The following XIRP1 variants were observed in gnomAD, a reference collection of about 807,000 sequenced individuals.
XIRP1 encodes xin actin binding repeat containing 1, also known as xin actin-binding repeat-containing protein 1.
For missense variants in XIRP1, 2,378 were observed against 2,345.4 expected, an observed-to-expected ratio of 1.01 and a Z score of -0.29; for synonymous variants, 984 against 947.0, an observed-to-expected ratio of 1.04 and a Z score of -0.72.
Position 39,183,609 on chromosome 3 carries a change from G to A in XIRP1, c.*305C>T. On this transcript the variant is annotated 3_prime_UTR_variant, in exon 2 of 2. Transcript: ENST00000340369. ...GCAAATTCACACATGTCGATGCGTG[G>A]GCCAGGCCTGTGTGAAAAACATGTG... The A allele has an allele frequency of 2.6e-6, 1 of 379,886 alleles. No individual in the cohort carries two copies. The allele number at this position is 379,886 out of a possible 1,614,324, so 23.5% of individuals were successfully genotyped here. A position where few individuals can be genotyped will look rare whatever the true frequency, so the allele number is the denominator to read the frequency against.
chr3:39,185,286 A>G lies in XIRP1; in HGVS notation c.4160T>C (p.Leu1387Pro). Residue 1387 changes from leucine to proline, a missense_variant, in exon 2 of 2, where the codon CTG becomes CCG. Coordinates refer to ENST00000340369, the MANE Select transcript of XIRP1 (RefSeq NM_194293.4). ...GCTATGTCCACTGGGACATCTGGCC[A>G]GAGGTATGTGGCCCTGGTCTACAGT... is the stretch of plus-strand genomic sequence containing the variant. ...PTTVDQGHIP[L>P]ARCPSGHSQP... The G allele has an allele frequency of 3.1e-6, 5 of 1,614,186 alleles. No homozygotes were observed. The highest frequency in any genetic ancestry group is 3.4e-6 in the Non-Finnish European group (4 of 1,180,028).
In XIRP1 at chr3:39,184,867, C is replaced by T. The variant is rs2039934324; in HGVS notation, c.4579G>A (p.Gly1527Arg). The T allele has an allele frequency of 6.2e-7, 1 of 1,606,950 alleles. No individual in the cohort carries two copies. The highest frequency in any genetic ancestry group is 1.3e-5 in the African/African-American group (1 of 74,792). The change falls in exon 2 of 2, where the codon GGG becomes AGG. Residue 1527 changes from glycine to arginine, a missense_variant. By Grantham distance (125) the Gly-to-Arg change is moderately radical. Transcript: ENST00000340369. ...TCCGTGCTGACCCGTGTCAGCTCCC[C>T]AAAGGCCTGCTCCACTGAGGCCTCG... ...KPEASVEQAFGELTRVSTEVA... is the reference protein window; with the variant it reads ...KPEASVEQAFRELTRVSTEVA...
Position 39,183,779 on chromosome 3 carries a change from T to G in XIRP1, c.*135A>C, listed in dbSNP as rs947594415. ...TATTGAAAGAACTGCGAAAGGGAAA[T>G]GGCCCACAGTAATCCTCTGAAGATG... is the stretch of plus-strand genomic sequence containing the variant. On this transcript the variant is annotated 3_prime_UTR_variant, in exon 2 of 2. Transcript: ENST00000340369. The G allele has an allele frequency of 2.2e-6, 3 of 1,342,366 alleles. No homozygotes were observed. Among genetic ancestry groups the G allele is most frequent in the Non-Finnish European group, 3.0e-6 (3 of 1,016,300 alleles). 83.2% of individuals were successfully genotyped at this position (1,342,366 alleles called of 1,614,324 possible).
rs1173814742 is a variant in XIRP1 at position 39,188,457 on chromosome 3, T to C, written c.989A>G (p.Gln330Arg). Residue 330 changes from glutamine to arginine, a missense_variant, in exon 2 of 2, where the codon CAG (glutamine) becomes CGG (arginine). Coordinates refer to ENST00000340369, the MANE Select transcript of XIRP1 (RefSeq NM_194293.4). ...REILVDEKDF[Q>R]PSPDLIPPGP... The stretch of plus-strand genomic sequence containing the variant: ...AGGTGGGATAAGGTCTGGGGATGGC[T>C]GGAAGTCCTTCTCATCTACCAAGAT... 4.4e-6 allele frequency: 7 copies of C among 1,602,170 alleles called. No individual in the cohort carries two copies. The highest frequency in any genetic ancestry group is 1.7e-5 in the Admixed American group (1 of 59,452).
Position 39,186,183 on chromosome 3 carries a change from G to A in XIRP1, c.3263C>T (p.Pro1088Leu), listed in dbSNP as rs768125085. ...AGCTTTCCGAAGACCGTCCTGGATG[G>A]GGTTGGAAGTGGCTGTTGGGGTGGG... ...QGPTPTATSNPIQDGLRKAGA... is the reference protein window; with the variant it reads ...QGPTPTATSNLIQDGLRKAGA... Residue 1088 changes from proline to leucine, a missense_variant, in exon 2 of 2, where the codon CCC becomes CTC. Transcript: ENST00000340369. The A allele has an allele frequency of 2.5e-6, 4 of 1,613,940 alleles. No homozygotes were observed. The highest frequency in any genetic ancestry group is 3.4e-6 in the Non-Finnish European group (4 of 1,179,918).
At chr3:39,189,979 C>T (rs1016973135) in intron 1 of XIRP1, among the ~76,000 whole-genome samples, 1 of 152,178 alleles carries the variant, frequency 6.6e-6, no homozygotes, top group Non-Finnish European at 1.5e-5. Flanking sequence ...TGCAGAACAC[C>T]AGAGGGCAGA....
intron 1 of XIRP1, among the ~76,000 whole-genome samples, chr3:39,189,763 C>T (rs575536753): frequency 1.3e-4 from 20 of 152,324 alleles, no homozygotes; most frequent in Non-Finnish European, 2.8e-4. Context: ...ACATGAGACA[C>T]TTTCCTTTAG....
In XIRP1 at chr3:39,188,523, C is replaced by G. The variant is rs751411277; in HGVS notation, c.923G>C (p.Arg308Pro). ...CAGGGGCTGTGTCTCAAAGATCCAG[C>G]GAGTTGCACTGACGTCGGGCCGGGC... is the stretch of plus-strand genomic sequence containing the variant. Reference protein sequence around the residue: ...EGARPDVSATRWIFETQPLDA... With the variant: ...EGARPDVSATPWIFETQPLDA... Residue 308 changes from arginine (R) to proline (P), a missense_variant, in exon 2 of 2, where the codon CGC becomes CCC. Arg to Pro is a moderately radical substitution (Grantham distance 103, BLOSUM62 -2). Coordinates refer to ENST00000340369, the MANE Select transcript of XIRP1 (RefSeq NM_194293.4). 1 of 1,608,292 alleles carries G rather than the reference C, an allele frequency of 6.2e-7. No individual in the cohort carries two copies.
Position 39,186,764 on chromosome 3 carries a change from C to A in XIRP1, c.2682G>T (p.Gly894=), listed in dbSNP as rs752917028. The A allele has an allele frequency of 3.1e-6, 5 of 1,614,040 alleles. No homozygotes were observed. In the South Asian group the frequency reaches 4.4e-5, roughly 14 times the overall value. ...CGLGTSVART[G]LVMQETEQGL... is the part of the protein sequence containing the mutation. ...CCTGCTCTGTCTCCTGCATCACCAG[C>A]CCAGTCCTTGCCACGGAGGTCCCAA... Residue 894 remains glycine (G), a synonymous_variant, in exon 2 of 2, where the codon GGG becomes GGT. Coordinates refer to ENST00000340369, the MANE Select transcript of XIRP1 (RefSeq NM_194293.4).
At position 39,184,359 on chromosome 3, in the gene XIRP1, A is replaced by C; in HGVS notation, c.5087T>G (p.Val1696Gly). Reference sequence around the variant, plus strand: ...GTCCTGAGCCAGTTGTGTGCTTTTCACTGAGACATCAGGGTTGCCCTTAAA... The same window carrying C: ...GTCCTGAGCCAGTTGTGTGCTTTTCCCTGAGACATCAGGGTTGCCCTTAAA... The part of the protein sequence containing the change: ...PSFKGNPDVS[V>G]KSTQLAQDIG... The change falls in exon 2 of 2, where the codon GTG becomes GGG. Residue 1696 changes from valine (V) to glycine (G), a missense_variant. Coordinates refer to ENST00000340369, the MANE Select transcript of XIRP1 (RefSeq NM_194293.4). 1.2e-6 allele frequency: 2 copies of C among 1,614,102 alleles called. No individual in the cohort carries two copies. The highest frequency in any genetic ancestry group is 8.5e-7 in the Non-Finnish European group (1 of 1,180,030).
chr3:39,187,162 T>C lies in XIRP1; in HGVS notation c.2284A>G (p.Arg762Gly). 6.2e-7 allele frequency: 1 copy of C among 1,607,848 alleles called. No homozygotes were observed. Among genetic ancestry groups the C allele is most frequent in the African/African-American group, 1.3e-5 (1 of 74,920 alleles). The change falls in exon 2 of 2, where the codon AGG (arginine) becomes GGG (glycine). Residue 762 changes from arginine (R) to glycine (G), a missense_variant. Arg to Gly is a moderately radical substitution (Grantham distance 125, BLOSUM62 -2). Coordinates refer to ENST00000340369, the MANE Select transcript of XIRP1 (RefSeq NM_194293.4). ...EEQPMSPSGN[R>G]MQESQETAAE... Reference sequence around the variant, plus strand: ...GCAGTCTCCTGGCTCTCTTGCATCCTGTTGCCTGAGGGGCTCATGGGCTGC... The same window carrying C: ...GCAGTCTCCTGGCTCTCTTGCATCCCGTTGCCTGAGGGGCTCATGGGCTGC...
At chr3:39,191,377 A>G (rs2040087117) in intron 1 of XIRP1, among the ~76,000 whole-genome samples, 1 of 119,460 alleles carries the variant, frequency 8.4e-6, no homozygotes, top group Non-Finnish European at 1.7e-5. Flanking sequence ...GCCCCCAGGA[A>G]TTTCCAGAAT....
chr3:39,184,970 C>T lies in XIRP1; in HGVS notation c.4476G>A (p.Gln1492=). The change falls in exon 2 of 2, where the codon CAG becomes CAA. Residue 1492 remains glutamine, a synonymous_variant. Coordinates refer to ENST00000340369, the MANE Select transcript of XIRP1 (RefSeq NM_194293.4). ...EKEAASSVDV[Q]ALRRLFEAVP... is the part of the protein sequence containing the mutation. Reference sequence around the variant, plus strand: ...CGGCCTCAAAGAGCCTCCGCAGGGCCTGCACGTCCACACTGCTTGCGGCCT... The same window carrying T: ...CGGCCTCAAAGAGCCTCCGCAGGGCTTGCACGTCCACACTGCTTGCGGCCT... 2 of 1,536,746 alleles carry T rather than the reference C, an allele frequency of 1.3e-6. No homozygotes were observed. Among genetic ancestry groups the T allele is most frequent in the Non-Finnish European group, 1.7e-6 (2 of 1,144,620 alleles).
Position 39,188,961 on chromosome 3 carries a change from G to T in XIRP1, c.485C>A (p.Thr162Lys). The change falls in exon 2 of 2, where the codon ACA becomes AAA. Residue 162 changes from threonine to lysine, a missense_variant. By Grantham distance (78) the Thr-to-Lys change is moderately conservative. Coordinates refer to ENST00000340369, the MANE Select transcript of XIRP1 (RefSeq NM_194293.4). ...CCCTGTCAGCTCGTCCAGTGGCTTT[G>T]TCTCAAATAGCCAGCGGGCTGCACG... is the stretch of plus-strand genomic sequence containing the variant. ...DVRAARWLFE[T>K]KPLDELTGQA... is the part of the protein sequence containing the mutation. 6.2e-7 allele frequency: 1 copy of T among 1,613,810 alleles called. No individual in the cohort carries two copies. The highest frequency in any genetic ancestry group is 8.5e-7 in the Non-Finnish European group (1 of 1,180,028).
chr3:39,185,284 C>T lies in XIRP1; in HGVS notation c.4162G>A (p.Ala1388Thr). Reference sequence around the variant, plus strand: ...TGGCTATGTCCACTGGGACATCTGGCCAGAGGTATGTGGCCCTGGTCTACA... The same window carrying T: ...TGGCTATGTCCACTGGGACATCTGGTCAGAGGTATGTGGCCCTGGTCTACA... ...TTVDQGHIPLARCPSGHSQPS... is the reference protein window; with the variant it reads ...TTVDQGHIPLTRCPSGHSQPS... The change falls in exon 2 of 2, where the codon GCC (alanine) becomes ACC (threonine). Residue 1388 changes from alanine (A) to threonine (T), a missense_variant. Transcript: ENST00000340369. 1.2e-6 allele frequency: 2 copies of T among 1,614,084 alleles called. No individual in the cohort carries two copies. The highest frequency in any genetic ancestry group is 8.5e-7 in the Non-Finnish European group (1 of 1,180,020).
Position 39,185,470 on chromosome 3 carries a change from G to A in XIRP1, c.3976C>T (p.Leu1326=). ...PTMPPKKKPQ[L]PPKPAHLTQS... is the part of the protein sequence containing the mutation. Reference sequence around the variant, plus strand: ...GTTAGGTGTGCAGGTTTAGGGGGCAGCTGCGGCTTCTTCTTTGGGGGCATG... The same window carrying A: ...GTTAGGTGTGCAGGTTTAGGGGGCAACTGCGGCTTCTTCTTTGGGGGCATG... Residue 1326 remains leucine, a synonymous_variant, in exon 2 of 2, where the codon CTG becomes TTG. Coordinates refer to ENST00000340369, the MANE Select transcript of XIRP1 (RefSeq NM_194293.4). 6.3e-7 allele frequency: 1 copy of A among 1,576,782 alleles called. No individual in the cohort carries two copies.
rs375819449 is a variant in XIRP1 at position 39,187,305 on chromosome 3, C to T, written c.2141G>A (p.Arg714Gln). Reference sequence around the variant, plus strand: ...CGCGGGGATGGACCCAGCGATTACCCGGGGCTCCTGTTCTTCCTTCTTGCC... The same window carrying T: ...CGCGGGGATGGACCCAGCGATTACCTGGGGCTCCTGTTCTTCCTTCTTGCC... ...EAGKKEEQEPRVIAGSIPAGS... is the reference protein window; with the variant it reads ...EAGKKEEQEPQVIAGSIPAGS... The change falls in exon 2 of 2, where the codon CGG (arginine) becomes CAG (glutamine). Residue 714 changes from arginine to glutamine, a missense_variant. Transcript: ENST00000340369. 8.2e-6 allele frequency: 13 copies of T among 1,591,008 alleles called. No individual in the cohort carries two copies. The highest frequency in any genetic ancestry group is 4.5e-5 in the East Asian group (2 of 44,574).
In XIRP1 at chr3:39,188,873, G is replaced by T; in HGVS notation, c.573C>A (p.Thr191=). Residue 191 remains threonine, a synonymous_variant, in exon 2 of 2, where the codon ACC becomes ACA. Coordinates refer to ENST00000340369, the MANE Select transcript of XIRP1 (RefSeq NM_194293.4). ...EPAASGDVQG[T]RMLFETRPLD... is the part of the protein sequence containing the mutation. Reference sequence around the variant, plus strand: ...GCGGCCGCGTCTCAAAGAGCATCCTGGTACCCTGCACATCTCCGCTGGCTG... The same window carrying T: ...GCGGCCGCGTCTCAAAGAGCATCCTTGTACCCTGCACATCTCCGCTGGCTG... The T allele has an allele frequency of 1.9e-6, 3 of 1,612,802 alleles. No homozygotes were observed. The highest frequency in any genetic ancestry group is 2.5e-6 in the Non-Finnish European group (3 of 1,180,046).
At chr3:39,190,086 C>T (rs1388767851) in intron 1 of XIRP1, among the ~76,000 whole-genome samples, 3 of 152,256 alleles carry the variant, frequency 2.0e-5, no homozygotes, top group Non-Finnish European at 4.4e-5. Flanking sequence ...CAGAGGCCAA[C>T]AGCCCATGCT....
Sources: allele counts gnomAD v4.1 joint callset (sites outside exome capture counted in the v4.1 genomes callset), GRCh38; gene constraint gnomAD v4.1.1; transcripts MANE v1.5; gene names NCBI Gene and HGNC (gene_info 2026-07-23, HGNC 2026-07-21).